Variants in PDE4DIP observed in about 807,000 individuals in gnomAD.
The protein encoded by PDE4DIP is myomegalin.
Under a neutral mutation model 221.4 loss-of-function variants are expected in PDE4DIP, and 59 were observed. That is an observed-to-expected ratio of 0.27 (90% CI 0.22 to 0.33). PDE4DIP has a LOEUF of 0.33. PDE4DIP is among the 10% of genes least tolerant of loss of function. The pLI, the probability that PDE4DIP is intolerant of heterozygous loss-of-function variation, is 1.00. For missense variants in PDE4DIP, 1,036 were observed against 2,154.2 expected, an observed-to-expected ratio of 0.48 and a Z score of 10.28; for synonymous variants, 404 against 815.9, an observed-to-expected ratio of 0.50 and a Z score of 8.60.
chr1:149,023,637 T>C (rs113749559), intron 37 of PDE4DIP, among the ~76,000 whole-genome samples: 9,858 of 83,124 alleles, frequency 0.12, 428 homozygotes, highest in East Asian at 0.36. Context: ...TGTATATGTG[T>C]GCACATATAT....
intron 32 of PDE4DIP, among the ~76,000 whole-genome samples, chr1:149,015,662 A>C (rs1231916659): frequency 1.3e-5 from 2 of 151,122 alleles, no homozygotes; most frequent in African/African-American, 4.9e-5. Context: ...ATGATTCTTT[A>C]GACAGGAGTG....
At chr1:148,961,666 CT>C (rs1358739559) in intron 6 of PDE4DIP, among the ~76,000 whole-genome samples, 170 bp from the exon 10 acceptor site, 5 of 151,826 alleles carry the variant, frequency 3.3e-5, no homozygotes, top group Admixed American at 2.0e-4. Flanking sequence ...TCTCCTGCTA[CT>C]TTTTGTTGCT....
At chr1:148,937,279 C>G (rs1248020276) in intron 4 of PDE4DIP, among the ~76,000 whole-genome samples, 1 of 152,180 alleles carries the variant, frequency 6.6e-6, no homozygotes, top group Non-Finnish European at 1.5e-5. Flanking sequence ...TGTATGTCTT[C>G]TTACTCTCCA....
intron 43 of PDE4DIP, chr1:149,030,658 G>A: frequency 1.2e-6 from 1 of 814,594 alleles, no homozygotes; most frequent in Non-Finnish European, 1.5e-6. Flanking sequence ...GGCCAGTTAT[G>A]TGTTCTACTC....
intron 4 of PDE4DIP, among the ~76,000 whole-genome samples, chr1:148,933,466 G>A (rs1295347621): frequency 3.3e-5 from 5 of 152,100 alleles, no homozygotes; most frequent in Admixed American, 6.6e-5. Context: ...CTGGATTACC[G>A]AGGAAACTTT....
rs201855002 is a variant in PDE4DIP at position 149,030,629 on chromosome 1, T to C, written c.6999+351T>C. ...TCGGGAGTCTGCCTCTGAATGAGCT[T>C]CTAGTAGAGGGATCTTGAGGCCAGT... On this transcript the variant is annotated intron_variant, in intron 43 of 43. Coordinates refer to ENST00000369354, the Ensembl canonical transcript of PDE4DIP. The C allele has an allele frequency of 6.1e-6, 5 of 814,898 alleles. No homozygotes were observed. The East Asian group carries it at 6.4e-4, about 104-fold the overall frequency. The allele number at this position is 814,898 out of a possible 1,614,324, so 50.5% of individuals were successfully genotyped here.
At chr1:149,000,386 C>T (rs1211143597) in intron 23 of PDE4DIP, among the ~76,000 whole-genome samples, 6 of 152,060 alleles carry the variant, frequency 3.9e-5, no homozygotes, top group South Asian at 2.1e-4. Flanking sequence ...GAAACCCCTT[C>T]GCTGCTAAAA....
intron 1 of PDE4DIP, among the ~76,000 whole-genome samples, chr1:148,912,012 A>G (rs1452468583): frequency 6.8e-6 from 1 of 146,746 alleles, no homozygotes; most frequent in Non-Finnish European, 1.5e-5. Context: ...ATACCCAAAG[A>G]GAAGGAGTTA....
intron 32 of PDE4DIP, among the ~76,000 whole-genome samples, chr1:149,013,269 G>A (rs1195048654): frequency 6.8e-6 from 1 of 147,730 alleles, no homozygotes; most frequent in Non-Finnish European, 1.5e-5. Flanking sequence ...GAGGGATTCA[G>A]AAGAGGAAAT....
At chr1:148,959,436 A>T (rs1205960750) in intron 5 of PDE4DIP, among the ~76,000 whole-genome samples, 3 of 152,122 alleles carry the variant, frequency 2.0e-5, no homozygotes, top group Non-Finnish European at 4.4e-5. Flanking sequence ...GGTAAGCTGT[A>T]ACTCCACTGC....
chr1:148,987,916 CA>C (rs782434151), intron 21 of PDE4DIP, among the ~76,000 whole-genome samples: 1 of 151,850 alleles, frequency 6.6e-6, no homozygotes, highest in Admixed American at 6.6e-5. Context: ...CAAAATAAAA[CA>C]AAAAAAGAGG....
intron 21 of PDE4DIP, chr1:148,985,872 T>C (rs1266950198): frequency 1.3e-5 from 2 of 152,182 alleles, no homozygotes; most frequent in South Asian, 2.1e-4. Flanking sequence ...ATAAACCATA[T>C]TGGCTTCCTT....
intron 32 of PDE4DIP, among the ~76,000 whole-genome samples, chr1:149,015,387 A>G (rs680583): frequency 0.19 from 28,929 of 152,016 alleles, 2,849 homozygotes; most frequent in Non-Finnish European, 0.21. Context: ...GGAAGAAACA[A>G]TGACCTCACT....
intron 40 of PDE4DIP, among the ~76,000 whole-genome samples, chr1:149,028,349 G>T (rs1207362422): frequency 4.0e-5 from 6 of 149,074 alleles, no homozygotes; most frequent in Non-Finnish European, 8.9e-5. Context: ...CAAGGGGGGT[G>T]AGTTTTGAAA....
At chr1:149,030,351 G>A (rs1331402453) in intron 43 of PDE4DIP, 73 bp downstream of exon 46, 1 of 1,552,308 alleles carries the variant, frequency 6.4e-7, no homozygotes. Context: ...AGCAGATCTT[G>A]TAGGTGACCC....
intron 1 of PDE4DIP, among the ~76,000 whole-genome samples, chr1:148,919,366 T>C (rs1373900579): frequency 6.6e-6 from 1 of 151,442 alleles, no homozygotes; most frequent in Non-Finnish European, 1.5e-5. Flanking sequence ...AGGGAGTTAA[T>C]GTTAGCCAGA....
At chr1:149,016,176 C>G in intron 32 of PDE4DIP, 123 bp from the exon 36 acceptor site, 2 of 594,142 alleles carry the variant, frequency 3.4e-6, no homozygotes, top group Non-Finnish European at 3.0e-6. Context: ...CCAAAGTGAA[C>G]TGGGATCTCT....
chr1:149,029,949 G>A (rs1458709026), intron 42 of PDE4DIP, 24 bp downstream of exon 45: 2 of 1,155,824 alleles, frequency 1.7e-6, no homozygotes, highest in African/African-American at 3.2e-5. Context: ...GAGGGAATGG[G>A]GGAAGAAACA....
rs587660354 is a variant in PDE4DIP at position 148,843,497 on chromosome 1, G to A, written c.234-19753G>A. Among the ~76,000 whole-genome samples, 18 of 78,606 alleles carry A rather than the reference G, an allele frequency of 2.3e-4. 8 individuals carry two copies. The East Asian group carries it at 0.014, about 60-fold the overall frequency. The allele number at this position is 78,606 out of a possible 152,430, so 51.6% of individuals were successfully genotyped here. A position where few individuals can be genotyped will look rare whatever the true frequency, so the allele number is the denominator to read the frequency against. ...TTATCATCTCTGAAACAAGTACAAC[G>A]AAATTAACATTGCCACATGTGGGCA... On this transcript the variant is annotated intron_variant, in intron 1 of 45. Coordinates refer to the PDE4DIP transcript ENST00000524974.
Sources: gnomAD v4.1 joint callset for allele counts (sites outside exome capture counted in the v4.1 genomes callset) on GRCh38, gnomAD v4.1.1 for gene constraint, MANE v1.5 for transcripts, NCBI Gene and HGNC (gene_info 2026-07-23, HGNC 2026-07-21) for gene names.